Variants in SLC36A2 observed in about 807,000 individuals in gnomAD.
SLC36A2 encodes proton-coupled amino acid transporter 2.
In SLC36A2, 39 loss-of-function variants were observed where a neutral mutation model predicts 42.7. The ratio of observed to expected loss-of-function variants is 0.91; its 90% CI spans 0.71 to 1.19. SLC36A2 has a LOEUF of 1.19. SLC36A2 is among the 50% of genes most tolerant of loss of function. The pLI, the probability that SLC36A2 is intolerant of heterozygous loss-of-function variation, is 0.00. For missense variants in SLC36A2, 590 were observed against 613.7 expected, an observed-to-expected ratio of 0.96 and a Z score of 0.41; for synonymous variants, 237 against 240.8, an observed-to-expected ratio of 0.98 and a Z score of 0.15.
chr5:151,328,712 G>A (rs1755914430), intron 7 of SLC36A2, among the ~76,000 whole-genome samples: 1 of 152,106 alleles, frequency 6.6e-6, no homozygotes, highest in Non-Finnish European at 1.5e-5. Flanking sequence ...AAGAGTGTGG[G>A]AAATCAGTAC....
chr5:151,323,334 C>T (rs1221794084), intron 8 of SLC36A2, among the ~76,000 whole-genome samples: 1 of 152,184 alleles, frequency 6.6e-6, no homozygotes, highest in African/African-American at 2.4e-5. Flanking sequence ...CTAACTTCCA[C>T]ATTTCTGTGT....
chr5:151,327,686 T>C (rs957350854), intron 7 of SLC36A2, among the ~76,000 whole-genome samples: 2 of 152,206 alleles, frequency 1.3e-5, no homozygotes, highest in Non-Finnish European at 2.9e-5. Context: ...TTGCTGCATA[T>C]ATTCTCAAGG....
At chr5:151,339,529 C>A (rs1756259890) in intron 4 of SLC36A2, among the ~76,000 whole-genome samples, 1 of 152,104 alleles carries the variant, frequency 6.6e-6, no homozygotes, top group Non-Finnish European at 1.5e-5. Context: ...AGGCTGATCT[C>A]GATCTCCCGA....
chr5:151,316,491 A>G lies in SLC36A2; in HGVS notation c.*326T>C. The G allele has an allele frequency of 3.2e-6, 1 of 310,780 alleles. No individual in the cohort carries two copies. The highest frequency in any genetic ancestry group is 6.1e-6 in the Non-Finnish European group (1 of 164,404). The allele number at this position is 310,780 out of a possible 1,614,324, so 19.3% of individuals were successfully genotyped here. ...CGAGGTGGCTCACGCCTGTGATCCC[A>G]GCATTTTGGGAGGCCGGGGTGGGTG... On this transcript the variant is annotated 3_prime_UTR_variant, in exon 10 of 10. Coordinates refer to ENST00000335244, the MANE Select transcript of SLC36A2 (RefSeq NM_181776.3).
rs1756525798 is a variant in SLC36A2, at chr5:151,347,342, T to C, written c.119A>G (p.Glu40Gly). 1 of 1,614,134 alleles carries C rather than the reference T, an allele frequency of 6.2e-7. No individual in the cohort carries two copies. The highest frequency in any genetic ancestry group is 8.5e-7 in the Non-Finnish European group (1 of 1,180,044). ...LENKDSTFLD[E>G]SPSESAGLKK... ...CAAGCCTGCTGACTCTGAAGGACTT[T>C]CATCCAAGAATGTAGAGTCCTTGTT... Residue 40 changes from glutamate (E) to glycine (G), a missense_variant, in exon 1 of 10, where the codon GAA (glutamate) becomes GGA (glycine). Coordinates refer to ENST00000335244, the MANE Select transcript of SLC36A2 (RefSeq NM_181776.3).
At chr5:151,340,361 G>C (rs1756306947) in intron 4 of SLC36A2, among the ~76,000 whole-genome samples, 1 of 152,204 alleles carries the variant, frequency 6.6e-6, no homozygotes, top group Non-Finnish European at 1.5e-5. Flanking sequence ...GACACATTCA[G>C]AATCTGAATC....
At chr5:151,317,491 CTAAT>C (rs914452294) in intron 9 of SLC36A2, among the ~76,000 whole-genome samples, 1 of 150,440 alleles carries the variant, frequency 6.6e-6, no homozygotes, top group African/African-American at 2.4e-5. Flanking sequence ...AAAAAATGAA[CTAAT>C]TGTTTCTCAG....
At position 151,317,100 on chromosome 5, in the gene SLC36A2, G is replaced by C; in HGVS notation, c.1181-12C>G. ...GATGGCCAGGAGGCCTGCAGGGAGA[G>C]GATAGTGGAGAGATGGAGCATTCCA... On this transcript the variant is annotated splice_polypyrimidine_tract_variant and intron_variant, in intron 9 of 9. Transcript: ENST00000335244. The C allele has an allele frequency of 6.2e-7, 1 of 1,613,568 alleles. No homozygotes were observed. Among genetic ancestry groups the C allele is most frequent in the South Asian group, 1.1e-5 (1 of 90,930 alleles).
intron 5 of SLC36A2, among the ~76,000 whole-genome samples, chr5:151,337,236 C>T (rs1427810162): frequency 6.6e-6 from 1 of 152,160 alleles, no homozygotes; most frequent in East Asian, 1.9e-4. Flanking sequence ...CCCATATGTT[C>T]CTGCCTCCCG....
chr5:151,328,499 T>A (rs1172660811), intron 7 of SLC36A2, among the ~76,000 whole-genome samples: 8 of 152,186 alleles, frequency 5.3e-5, no homozygotes, highest in Non-Finnish European at 7.3e-5. Context: ...TAGGGTCCCC[T>A]GTGGGATGAA....
chr5:151,319,160 AT>A (rs1455320839), intron 9 of SLC36A2: 1 of 973,938 alleles, frequency 1.0e-6, no homozygotes, highest in African/African-American at 1.8e-5. Context: ...CATGTAAAGC[AT>A]TCAGAAAAGT....
intron 7 of SLC36A2, among the ~76,000 whole-genome samples, chr5:151,330,336 G>A (rs1344242180): frequency 6.6e-6 from 1 of 151,976 alleles, no homozygotes; most frequent in Non-Finnish European, 1.5e-5. Flanking sequence ...AGGAGAACAA[G>A]GATTCAAACA....
intron 5 of SLC36A2, 95 bp downstream of exon 5, chr5:151,338,965 A>G: frequency 1.1e-6 from 1 of 904,524 alleles, no homozygotes; most frequent in Non-Finnish European, 1.8e-6. Flanking sequence ...TGTTACATTG[A>G]TGAGGACCAG....
intron 5 of SLC36A2, 184 bp downstream of exon 5, chr5:151,338,876 G>A: frequency 1.8e-6 from 1 of 545,086 alleles, no homozygotes; most frequent in Non-Finnish European, 3.5e-6. Flanking sequence ...AGGGTATTGT[G>A]GCAAAAGTAA....
At chr5:151,343,310 A>G (rs1327938531) in intron 3 of SLC36A2, among the ~76,000 whole-genome samples, 200 bp downstream of exon 3, 4 of 152,204 alleles carry the variant, frequency 2.6e-5, no homozygotes, top group Non-Finnish European at 5.9e-5. Context: ...CCAGATAAGC[A>G]CAATAGCCTG....
intron 5 of SLC36A2, 102 bp from the exon 6 acceptor site, chr5:151,335,649 G>T: frequency 1.1e-6 from 1 of 870,372 alleles, no homozygotes; most frequent in East Asian, 2.4e-5. Context: ...CACAGTGAAT[G>T]GGAGTGTCCC....
chr5:151,345,346 C>T (rs368703458), intron 1 of SLC36A2, among the ~76,000 whole-genome samples: 1 of 152,150 alleles, frequency 6.6e-6, no homozygotes, highest in East Asian at 1.9e-4. Context: ...CTCAAGGCCA[C>T]GACTTAACTA....
intron 7 of SLC36A2, among the ~76,000 whole-genome samples, chr5:151,329,752 A>G (rs1177421396): frequency 6.6e-6 from 1 of 152,262 alleles, no homozygotes; most frequent in Non-Finnish European, 1.5e-5. Flanking sequence ...TCTGAACAAC[A>G]AAGAGCAAAG....
chr5:151,335,642 A>G (rs1037590553), intron 5 of SLC36A2, 95 bp from the exon 6 acceptor site: 5 of 885,264 alleles, frequency 5.6e-6, no homozygotes. Context: ...ATTCCCTCAC[A>G]GTGAATGGGA....
Sources: gnomAD v4.1 joint callset for allele counts (sites outside exome capture counted in the v4.1 genomes callset) on GRCh38, gnomAD v4.1.1 for gene constraint, MANE v1.5 for transcripts, NCBI Gene and HGNC (gene_info 2026-07-23, HGNC 2026-07-21) for gene names.